Variants in SLC35F4 observed in about 807,000 individuals in gnomAD.
SLC35F4 encodes the protein chromosome 14 open reading frame 36.
Under a neutral mutation model 44.2 loss-of-function variants are expected in SLC35F4, and 24 were observed. The observed-to-expected ratio is 0.54, with a 90% CI of 0.39 to 0.76. The LOEUF is 0.76. Among genes scored for constraint, SLC35F4 ranks in the 30% least tolerant of loss-of-function variants. The probability of loss-of-function intolerance (pLI) is 0.00; values close to 1 mark genes in which losing one functional copy is unlikely to be tolerated. For synonymous variants in SLC35F4, 238 were observed against 223.6 expected, an observed-to-expected ratio of 1.06 and a Z score of -0.57; for missense variants, 562 against 586.1, an observed-to-expected ratio of 0.96 and a Z score of 0.42.
intron 1 of SLC35F4, among the ~76,000 whole-genome samples, chr14:57,697,657 T>C (rs1271678159): frequency 6.6e-6 from 1 of 150,772 alleles, no homozygotes; most frequent in African/African-American, 2.4e-5. Flanking sequence ...ACTGTGATTG[T>C]GCCACTGCAT....
At chr14:57,959,966 A>G (rs1890310225) in intron 1 of SLC35F4, among the ~76,000 whole-genome samples, 1 of 152,130 alleles carries the variant, frequency 6.6e-6, no homozygotes, top group Non-Finnish European at 1.5e-5. Flanking sequence ...CCTGCTGGGA[A>G]TGGCTGGGAC....
chr14:57,606,534 T>G (rs2071177157), intron 1 of SLC35F4, among the ~76,000 whole-genome samples: 1 of 152,244 alleles, frequency 6.6e-6, no homozygotes, highest in Non-Finnish European at 1.5e-5. Context: ...TTTTCTTCAT[T>G]TGAACCTTTG....
In SLC35F4 at chr14:57,620,476, A is replaced by G. The variant is rs558197732; in HGVS notation, c.104-26352T>C. On this transcript the variant is annotated intron_variant, in intron 1 of 7. Coordinates refer to ENST00000556826, the MANE Select transcript of SLC35F4 (RefSeq NM_001306087.2). ...GCAAAAGAGAAATAAAATCCTTTAC[A>G]GACAAGCAAATGCTGAGAGATTCTG... Among the ~76,000 whole-genome samples the G allele has an allele frequency of 3.0e-4, 46 of 152,250 alleles. 1 individual carries two copies. The highest frequency in any genetic ancestry group is 6.0e-4 in the Non-Finnish European group (41 of 68,050).
chr14:57,586,717 C>CAAAAAAAAAAAAAAAA (rs543963927), intron 3 of SLC35F4, among the ~76,000 whole-genome samples: 2 of 12,496 alleles, frequency 1.6e-4, no homozygotes, highest in East Asian at 7.9e-3. Context: ...GACTCTGTCT[C>CAAAAAAAAAAAAAAAA]AAAAAAAAAA....
intron 5 of SLC35F4, 119 bp downstream of exon 5, chr14:57,571,775 C>G: frequency 7.4e-7 from 1 of 1,356,684 alleles, no homozygotes; most frequent in Non-Finnish European, 9.7e-7. Context: ...AATTTACTTA[C>G]TATTATTTCA....
chr14:57,812,541 A>G (rs779408925), intron 1 of SLC35F4, among the ~76,000 whole-genome samples: 4 of 152,156 alleles, frequency 2.6e-5, no homozygotes, highest in Admixed American at 6.5e-5. Context: ...GGAGAGGAGT[A>G]AAGGAGCTGT....
At chr14:57,772,197 G>C (rs1158907501) in intron 1 of SLC35F4, among the ~76,000 whole-genome samples, 1 of 152,144 alleles carries the variant, frequency 6.6e-6, no homozygotes, top group African/African-American at 2.4e-5. Flanking sequence ...AGCCGAAGAG[G>C]AGAAATTTTG....
At chr14:57,919,776 G>C (rs768913179) in intron 1 of SLC35F4, among the ~76,000 whole-genome samples, 12 of 152,194 alleles carry the variant, frequency 7.9e-5, no homozygotes, top group Non-Finnish European at 1.3e-4. Flanking sequence ...CAGCACTTTG[G>C]AGGGTCATGG....
chr14:57,622,766 A>T (rs1158822764), intron 1 of SLC35F4, among the ~76,000 whole-genome samples: 2 of 152,154 alleles, frequency 1.3e-5, no homozygotes, highest in Non-Finnish European at 2.9e-5. Flanking sequence ...ACATGTATAC[A>T]TATGTAACTA....
chr14:57,743,838 G>A (rs1229952787), intron 1 of SLC35F4, among the ~76,000 whole-genome samples: 1 of 152,124 alleles, frequency 6.6e-6, no homozygotes. Flanking sequence ...TAAAATACTG[G>A]CAAACCGAAT....
At chr14:57,950,538 C>A (rs1890115847) in intron 1 of SLC35F4, among the ~76,000 whole-genome samples, 1 of 151,952 alleles carries the variant, frequency 6.6e-6, no homozygotes, top group Non-Finnish European at 1.5e-5. Flanking sequence ...ATTCAGATTT[C>A]TTCTTGGCTT....
chr14:57,574,603 A>C (rs192924376), intron 4 of SLC35F4, among the ~76,000 whole-genome samples: 76 of 152,312 alleles, frequency 5.0e-4, no homozygotes, highest in African/African-American at 1.7e-3. Context: ...TTTAGTTTAA[A>C]TTTCAAAAAT....
At chr14:57,969,438 T>C (rs1192866400) in intron 1 of SLC35F4, among the ~76,000 whole-genome samples, 2 of 152,186 alleles carry the variant, frequency 1.3e-5, no homozygotes, top group Admixed American at 6.5e-5. Context: ...ATAAAATATA[T>C]TTATTGATGT....
At chr14:57,733,551 T>C (rs939125866) in intron 1 of SLC35F4, among the ~76,000 whole-genome samples, 2 of 151,530 alleles carry the variant, frequency 1.3e-5, no homozygotes, top group African/African-American at 4.8e-5. Flanking sequence ...TATACGTTAA[T>C]TGAAAAAAAA....
In SLC35F4 at chr14:57,951,101, C is replaced by G. The variant is rs192384381; in HGVS notation, n.282+30812G>C. ...GATTTCTGCATTTCCAACTGAGGCA[C>G]CTGGCTCATCTCATTGGGACTGGTT... is the stretch of plus-strand genomic sequence containing the variant. On this transcript the variant is annotated intron_variant and non_coding_transcript_variant, in intron 1 of 1. Transcript: ENST00000556568. 5.0e-4 allele frequency among the ~76,000 whole-genome samples: 76 copies of G among 152,264 alleles called. 1 individual carries two copies. The highest frequency in any genetic ancestry group is 3.4e-3 in the Middle Eastern group (1 of 294).
intron 1 of SLC35F4, among the ~76,000 whole-genome samples, chr14:57,761,337 T>C (rs1445852328): frequency 6.6e-6 from 1 of 152,168 alleles, no homozygotes; most frequent in Non-Finnish European, 1.5e-5. Flanking sequence ...GGGGAAACTG[T>C]TTACTTTCTA....
chr14:57,773,307 C>T (rs1389501603), intron 1 of SLC35F4, among the ~76,000 whole-genome samples: 2 of 152,174 alleles, frequency 1.3e-5, no homozygotes, highest in African/African-American at 4.8e-5. Context: ...TGCAGATGTA[C>T]TGTACACATA....
At chr14:57,858,353 A>C (rs1887331933) in intron 1 of SLC35F4, among the ~76,000 whole-genome samples, 1 of 152,056 alleles carries the variant, frequency 6.6e-6, no homozygotes. Context: ...TGAAGCCATC[A>C]AAAAGGATGA....
At chr14:57,978,526 C>T (rs2141099539) in intron 1 of SLC35F4, among the ~76,000 whole-genome samples, 1 of 152,270 alleles carries the variant, frequency 6.6e-6, no homozygotes, top group African/African-American at 2.4e-5. Flanking sequence ...CTGGTCTTAA[C>T]GTCATCTAAC....
Sources: gnomAD v4.1 joint callset for allele counts (sites outside exome capture counted in the v4.1 genomes callset) on GRCh38, gnomAD v4.1.1 for gene constraint, MANE v1.5 for transcripts, NCBI Gene and HGNC (gene_info 2026-07-23, HGNC 2026-07-21) for gene names.